RNF8: variants seen among roughly 807,000 people sequenced by gnomAD.
RNF8 encodes ring finger protein 8, also known as E3 ubiquitin-protein ligase RNF8.
Under a neutral mutation model 59.3 loss-of-function variants are expected in RNF8, and 8 were observed. The observed-to-expected ratio is 0.13, with a 90% CI of 0.08 to 0.24. The LOEUF (loss-of-function observed/expected upper bound fraction) is 0.24. RNF8 is among the 10% of genes least tolerant of loss of function. RNF8 has a pLI of 1.00. For missense variants in RNF8, 406 were observed against 572.6 expected (o/e 0.71, Z 2.97); for synonymous variants, 162 against 200.0 (o/e 0.81, Z 1.60).
chr6:37,373,466 G>T (rs1224862782), intron 4 of RNF8, among the ~76,000 whole-genome samples: 1 of 152,152 alleles, frequency 6.6e-6, no homozygotes, highest in Non-Finnish European at 1.5e-5. Context: ...GAGTGCAGTG[G>T]TGCAATCTCA....
intron 7 of RNF8, among the ~76,000 whole-genome samples, chr6:37,386,207 A>T (rs1770489635): frequency 6.8e-6 from 1 of 147,168 alleles, no homozygotes; most frequent in South Asian, 2.1e-4. Context: ...GCATCATAGG[A>T]ACTATTCACC....
intron 2 of RNF8, among the ~76,000 whole-genome samples, chr6:37,364,283 G>C (rs1769460060): frequency 6.8e-6 from 1 of 148,042 alleles, no homozygotes; most frequent in Non-Finnish European, 1.5e-5. Flanking sequence ...AAATTTACAT[G>C]TGCTGTTAAA....
chr6:37,383,932 G>A (rs1418102730), intron 7 of RNF8, among the ~76,000 whole-genome samples: 3 of 151,996 alleles, frequency 2.0e-5, no homozygotes, highest in East Asian at 3.9e-4. Context: ...CTCCCCTCCC[G>A]TTTCTTCTGT....
At chr6:37,380,289 T>C (rs1365663380) in intron 6 of RNF8, among the ~76,000 whole-genome samples, 1 of 152,096 alleles carries the variant, frequency 6.6e-6, no homozygotes, top group Non-Finnish European at 1.5e-5. Flanking sequence ...TCTAAGTTGG[T>C]GGACTGAAAA....
rs1769014489 is a variant in RNF8, at chr6:37,354,077, A to C, written c.-88A>C. The stretch of plus-strand genomic sequence containing the variant: ...GCGATTGCTTCTGTCTGTTATTTAG[A>C]TATGGAAGCTGAGGGGATGCACAGA... On this transcript the variant is annotated 5_prime_UTR_variant, in exon 1 of 8. Transcript: ENST00000373479. 9.4e-7 allele frequency: 1 copy of C among 1,062,084 alleles called. No homozygotes were observed. The highest frequency in any genetic ancestry group is 1.4e-6 in the Non-Finnish European group (1 of 704,080). The allele number at this position is 1,062,084 out of a possible 1,614,324, so 65.8% of individuals were successfully genotyped here. A position where few individuals can be genotyped will look rare whatever the true frequency, so the allele number is the denominator to read the frequency against.
chr6:37,377,187 C>T (rs1287469951), intron 6 of RNF8, among the ~76,000 whole-genome samples, 154 bp downstream of exon 6: 2 of 150,986 alleles, frequency 1.3e-5, no homozygotes, highest in Admixed American at 1.3e-4. Flanking sequence ...GTTCTTGTGC[C>T]TCAGCCTCCC....
chr6:37,385,293 G>A (rs1213176836), intron 7 of RNF8, among the ~76,000 whole-genome samples: 2 of 151,440 alleles, frequency 1.3e-5, no homozygotes, highest in Admixed American at 6.6e-5. Flanking sequence ...GATTACAGGC[G>A]TGAGCCACCG....
At chr6:37,365,204 T>C (rs1769499924) in intron 2 of RNF8, among the ~76,000 whole-genome samples, 1 of 152,168 alleles carries the variant, frequency 6.6e-6, no homozygotes, top group Admixed American at 6.5e-5. Context: ...TGCAACAGTG[T>C]GGACGAATCT....
intron 1 of RNF8, chr6:37,359,314 A>G (rs1355182825): frequency 7.6e-6 from 3 of 394,648 alleles, no homozygotes; most frequent in Non-Finnish European, 1.5e-5. Context: ...CAATGCAAAG[A>G]CTTTTGGTTG....
intron 7 of RNF8, among the ~76,000 whole-genome samples, chr6:37,382,498 T>G (rs1770312851): frequency 6.6e-6 from 1 of 152,098 alleles, no homozygotes; most frequent in South Asian, 2.1e-4. Context: ...TGTGAATTTT[T>G]TTTTCTTCCC....
At chr6:37,390,032 A>G (rs1281802836) in intron 7 of RNF8, among the ~76,000 whole-genome samples, 2 of 152,256 alleles carry the variant, frequency 1.3e-5, no homozygotes, top group Non-Finnish European at 2.9e-5. Context: ...GAAGCGGACT[A>G]TTGGAAAAGC....
rs779231175 is a variant in RNF8 at position 37,354,203 on chromosome 6, C to T, written c.39C>T (p.Ala13=). The change falls in exon 1 of 8, where the codon GCC becomes GCT. Residue 13 remains alanine (A), a synonymous_variant. Coordinates refer to ENST00000373479, the MANE Select transcript of RNF8 (RefSeq NM_003958.4). ...EPGFFVTGDR[A]GGRSWCLRRV... The stretch of plus-strand genomic sequence containing the variant: ...GCTTCTTCGTCACAGGAGACCGCGC[C>T]GGTGGCCGGAGCTGGTGCCTGCGGC... 7.6e-6 allele frequency: 12 copies of T among 1,587,658 alleles called. No individual in the cohort carries two copies. Among genetic ancestry groups the T allele is most frequent in the Non-Finnish European group, 1.0e-5 (12 of 1,168,006 alleles).
chr6:37,376,828 A>T, intron 5 of RNF8, 98 bp from the exon 6 acceptor site: 2 of 743,804 alleles, frequency 2.7e-6, no homozygotes, highest in Non-Finnish European at 4.9e-6. Flanking sequence ...ATCACTCATT[A>T]AGACTGAATC....
At chr6:37,373,493 G>A (rs1205370925) in intron 4 of RNF8, among the ~76,000 whole-genome samples, 3 of 152,098 alleles carry the variant, frequency 2.0e-5, no homozygotes, top group African/African-American at 7.2e-5. Flanking sequence ...TGCAGCCTCC[G>A]CCTCCTGGGC....
At position 37,368,959 on chromosome 6, in the gene RNF8, C is replaced by G. The variant is rs531102817; in HGVS notation, c.716C>G (p.Ser239Cys). The change falls in exon 3 of 8, where the codon TCT becomes TGT. Residue 239 changes from serine (S) to cysteine (C), a missense_variant. Coordinates refer to ENST00000373479, the MANE Select transcript of RNF8 (RefSeq NM_003958.4). ...CATCATGAGCAGAAAGCCTCAAACT[C>G]TTCAGCATCTCAGAGAAGCTTACAG... Reference protein sequence around the residue: ...EVHHEQKASNSSASQRSLQMF... With the variant: ...EVHHEQKASNCSASQRSLQMF... The G allele has an allele frequency of 1.3e-5, 21 of 1,614,076 alleles. No individual in the cohort carries two copies. Among genetic ancestry groups the G allele is most frequent in the Non-Finnish European group, 1.8e-5 (21 of 1,180,038 alleles).
At chr6:37,357,990 A>G (rs1273043500) in intron 1 of RNF8, among the ~76,000 whole-genome samples, 1 of 152,232 alleles carries the variant, frequency 6.6e-6, no homozygotes, top group Non-Finnish European at 1.5e-5. Flanking sequence ...TGTGATAAGT[A>G]CTTCCTAATA....
chr6:37,355,823 T>C (rs925895353), intron 1 of RNF8, among the ~76,000 whole-genome samples: 1 of 152,178 alleles, frequency 6.6e-6, no homozygotes, highest in Non-Finnish European at 1.5e-5. Context: ...CAGCATATGT[T>C]TGTGGGAAGT....
At chr6:37,379,506 A>T (rs760446750) in intron 6 of RNF8, among the ~76,000 whole-genome samples, 1 of 152,252 alleles carries the variant, frequency 6.6e-6, no homozygotes, top group Non-Finnish European at 1.5e-5. Context: ...GGAGATGTAC[A>T]TAAACAAGAG....
At chr6:37,382,747 A>G (rs1562097172) in intron 7 of RNF8, among the ~76,000 whole-genome samples, 1 of 152,172 alleles carries the variant, frequency 6.6e-6, no homozygotes, top group Non-Finnish European at 1.5e-5. Context: ...TGGGAGGCCA[A>G]GATGGGCAGA....
Sources: gnomAD v4.1 joint callset for allele counts (sites outside exome capture counted in the v4.1 genomes callset) on GRCh38, gnomAD v4.1.1 for gene constraint, MANE v1.5 for transcripts, NCBI Gene and HGNC (gene_info 2026-07-23, HGNC 2026-07-21) for gene names.